PRH1: variants seen among roughly 807,000 people sequenced by gnomAD.
PRH1 encodes the protein proline rich protein HaeIII subfamily 1.
In PRH1, 7 loss-of-function variants were observed where a neutral mutation model predicts 7.9. That is an observed-to-expected ratio of 0.89 (90% CI 0.50 to 1.67). The LOEUF is 1.67. Among genes scored for constraint, PRH1 ranks in the 40% most tolerant of loss-of-function variants. PRH1 has a pLI of 0.00. For missense variants in PRH1, 109 were observed against 223.6 expected, an observed-to-expected ratio of 0.49 and a Z score of 3.27; for synonymous variants, 45 against 80.8, an observed-to-expected ratio of 0.56 and a Z score of 2.38.
At chr12:11,029,857 A>C (rs149589389) in intron 1 of PRH1, among the ~76,000 whole-genome samples, 2,319 of 152,306 alleles carry the variant, frequency 0.015, 19 homozygotes, top group South Asian at 0.031. Context: ...ACTAAACATA[A>C]AATAGAAATT....
chr12:11,133,142 C>CAA, intron 1 of PRH1: 1 of 965,848 alleles, frequency 1.0e-6, no homozygotes, highest in Non-Finnish European at 1.5e-6. Flanking sequence ...CACACACACA[C>CAA]ATCTATATAT....
At chr12:10,986,734 A>T in intron 1 of PRH1, 2 of 1,613,046 alleles carry the variant, frequency 1.2e-6, no homozygotes, top group Admixed American at 3.3e-5. Context: ...TGGTCAGCTG[A>T]GGAGATCTTT....
upstream of PRH1, among the ~76,000 whole-genome samples, chr12:11,050,999 C>T (rs796935647): frequency 6.9e-6 from 1 of 145,318 alleles, no homozygotes; most frequent in East Asian, 2.0e-4. Flanking sequence ...CCAATCACCA[C>T]AGCCATCCAC....
intron 2 of PRH1, among the ~76,000 whole-genome samples, chr12:10,941,395 C>T (rs892721720): frequency 4.6e-5 from 7 of 152,152 alleles, no homozygotes; most frequent in Non-Finnish European, 8.8e-5. Flanking sequence ...AATAAAAACT[C>T]AGTTCCTCAG....
intron 1 of PRH1, among the ~76,000 whole-genome samples, chr12:11,141,337 A>G (rs1946697778): frequency 6.6e-6 from 1 of 152,168 alleles, no homozygotes; most frequent in African/African-American, 2.4e-5. Flanking sequence ...CACGTTTTCC[A>G]TTGAAGAGTC....
At chr12:11,089,144 G>C in intron 1 of PRH1, among the ~76,000 whole-genome samples, 1 of 115,286 alleles carries the variant, frequency 8.7e-6, no homozygotes, top group Non-Finnish European at 2.1e-5. Context: ...CCTTCACTAT[G>C]TCCTATTCCC....
intron 1 of PRH1, among the ~76,000 whole-genome samples, chr12:11,036,118 C>G (rs530865561): frequency 6.6e-6 from 1 of 152,338 alleles, no homozygotes; most frequent in South Asian, 2.1e-4. Flanking sequence ...TGGTCTCCAT[C>G]TCCTGACCTC....
At chr12:10,938,020 T>C (rs143293386) in intron 2 of PRH1, 4 of 390,860 alleles carry the variant, frequency 1.0e-5, no homozygotes, top group African/African-American at 6.2e-5. Context: ...GAATGATTGA[T>C]ACAAAATCTA....
At chr12:11,021,828 T>C in intron 1 of PRH1, 1 of 1,614,264 alleles carries the variant, frequency 6.2e-7, no homozygotes, top group African/African-American at 1.3e-5. Context: ...GATTCCAAGT[T>C]GATGTGATTA....
chr12:11,071,370 T>C (rs1439296914), intron 1 of PRH1, among the ~76,000 whole-genome samples: 3 of 152,234 alleles, frequency 2.0e-5, no homozygotes, highest in African/African-American at 7.2e-5. Flanking sequence ...GTCAGAATGG[T>C]AGGGAAAATT....
intron 1 of PRH1, chr12:11,133,105 T>A (rs1213999489): frequency 7.4e-6 from 5 of 672,952 alleles, no homozygotes; most frequent in Admixed American, 4.1e-5. Context: ...ATTGTCAATG[T>A]TCTTCAGTTT....
chr12:11,086,674 G>A lies in PRH1; in HGVS notation n.124-39486C>T, dbSNP rs184612244. ...CAGGCCTGTAATCCCAGCACTTTGG[G>A]AGGCTGAGGCAGGTGCATCACCTGA... On this transcript the variant is annotated intron_variant and non_coding_transcript_variant, in intron 1 of 4. Transcript: ENST00000541977. 1.4e-3 allele frequency among the ~76,000 whole-genome samples: 196 copies of A among 135,258 alleles called. 3 individuals carry two copies. Among genetic ancestry groups the A allele is most frequent in the Non-Finnish European group, 2.5e-3 (153 of 60,046 alleles). The allele number at this position is 135,258 out of a possible 152,430, so 88.7% of individuals were successfully genotyped here.
chr12:11,133,088 G>T, intron 1 of PRH1: 1 of 613,680 alleles, frequency 1.6e-6, no homozygotes, highest in Non-Finnish European at 2.4e-6. Flanking sequence ...ACAATAAAAA[G>T]CATGTTATTG....
chr12:11,001,924 G>C (rs1375437787), intron 1 of PRH1, among the ~76,000 whole-genome samples: 1 of 152,072 alleles, frequency 6.6e-6, no homozygotes, highest in East Asian at 1.9e-4. Context: ...CACTTTAGAA[G>C]TAAGAGCTTG....
intron 1 of PRH1, among the ~76,000 whole-genome samples, chr12:11,110,332 C>T (rs548992692): frequency 1.1e-4 from 16 of 152,244 alleles, no homozygotes; most frequent in African/African-American, 3.9e-4. Context: ...CACAAAGATA[C>T]TCCTTGAGAA....
At chr12:11,009,026 A>C (rs1390561037) in intron 1 of PRH1, among the ~76,000 whole-genome samples, 2 of 132,628 alleles carry the variant, frequency 1.5e-5, no homozygotes, top group African/African-American at 4.9e-5. Context: ...CCTTTAGTCC[A>C]ACAAGAAGAT....
chr12:11,145,825 T>C (rs1946844672), intron 1 of PRH1, among the ~76,000 whole-genome samples: 1 of 152,204 alleles, frequency 6.6e-6, no homozygotes, highest in African/African-American at 2.4e-5. Flanking sequence ...CTATATCTCT[T>C]TTAATGACAA....
intron 1 of PRH1, among the ~76,000 whole-genome samples, chr12:11,002,976 T>A (rs190386345): frequency 1.2e-4 from 19 of 152,060 alleles, no homozygotes; most frequent in African/African-American, 4.3e-4. Flanking sequence ...TTATGAAAAA[T>A]TCCCTAATTG....
intron 2 of PRH1, among the ~76,000 whole-genome samples, chr12:10,958,105 T>C (rs1591727461): frequency 6.6e-6 from 1 of 152,260 alleles, no homozygotes; most frequent in African/African-American, 2.4e-5. Context: ...TAAAGACACA[T>C]GCATGAAAAT....
Sources: allele counts gnomAD v4.1 joint callset (sites outside exome capture counted in the v4.1 genomes callset), GRCh38; gene constraint gnomAD v4.1.1; transcripts MANE v1.5; gene names NCBI Gene and HGNC (gene_info 2026-07-23, HGNC 2026-07-21).